LAMA2: variants seen among roughly 807,000 people sequenced by gnomAD.
LAMA2 encodes laminin subunit alpha 2, also known as laminin subunit alpha-2.
Under a neutral mutation model 364.8 loss-of-function variants are expected in LAMA2, and 269 were observed. The ratio of observed to expected loss-of-function variants is 0.74; its 90% CI spans 0.67 to 0.82. The LOEUF (loss-of-function observed/expected upper bound fraction) is 0.82. Among genes scored for constraint, LAMA2 ranks in the 40% least tolerant of loss-of-function variants. The pLI, the probability that LAMA2 is intolerant of heterozygous loss-of-function variation, is 0.00. For missense variants in LAMA2, 3,807 were observed against 3,873.2 expected (o/e 0.98, Z 0.45); for synonymous variants, 1,379 against 1,370.6 (o/e 1.01, Z -0.14).
rs558183911 is a variant in LAMA2, at chr6:129,171,157, G to A, written c.1306+5482G>A. On this transcript the variant is annotated intron_variant, in intron 9 of 64. Transcript: ENST00000421865. ...TGCCAGTCTGTGTCTTTTAATTGGA[G>A]CATTTAGTCCATTTACATTTAAAGT... Among the ~76,000 whole-genome samples, 668 of 152,094 alleles carry A rather than the reference G, an allele frequency of 4.4e-3. 2 individuals are homozygous for A. Among genetic ancestry groups the A allele is most frequent in the Middle Eastern group, 0.017 (5 of 294 alleles).
chr6:129,207,040 T>G (rs1782723419), intron 12 of LAMA2, among the ~76,000 whole-genome samples: 1 of 152,200 alleles, frequency 6.6e-6, no homozygotes, highest in African/African-American at 2.4e-5. Flanking sequence ...AGCAGTTGCC[T>G]TGAATCATGA....
chr6:128,967,361 A>AGG (rs1368833343), intron 1 of LAMA2, among the ~76,000 whole-genome samples: 1 of 152,222 alleles, frequency 6.6e-6, no homozygotes, highest in Non-Finnish European at 1.5e-5. Context: ...GAAAGACACA[A>AGG]GGGAACATTC....
chr6:129,145,820 A>G (rs1778400838), intron 5 of LAMA2, among the ~76,000 whole-genome samples: 1 of 152,130 alleles, frequency 6.6e-6, no homozygotes, highest in East Asian at 1.9e-4. Flanking sequence ...AAAGCATTAT[A>G]CATTTATATT....
intron 1 of LAMA2, chr6:128,929,287 C>A (rs1301186090): frequency 5.4e-6 from 7 of 1,304,752 alleles, no homozygotes; most frequent in South Asian, 1.2e-5. Context: ...TGATGCGGAT[C>A]CCTGCCCACA....
chr6:129,379,511 T>C (rs911985267), intron 34 of LAMA2, among the ~76,000 whole-genome samples: 3 of 152,136 alleles, frequency 2.0e-5, no homozygotes, highest in African/African-American at 7.2e-5. Context: ...TCACGTCTCC[T>C]CCTCTTCTGG....
At chr6:129,053,291 C>T (rs1448653544) in intron 2 of LAMA2, among the ~76,000 whole-genome samples, 9 of 152,132 alleles carry the variant, frequency 5.9e-5, no homozygotes, top group African/African-American at 2.2e-4. Context: ...TCCCGAACTC[C>T]AGACCTCAGT....
intron 9 of LAMA2, among the ~76,000 whole-genome samples, chr6:129,176,511 T>A (rs1179638232): frequency 6.6e-6 from 1 of 152,134 alleles, no homozygotes; most frequent in Non-Finnish European, 1.5e-5. Context: ...ATGAGTAAGT[T>A]AGCATCATTT....
At chr6:128,927,753 G>GT (rs943350812) in intron 1 of LAMA2, among the ~76,000 whole-genome samples, 3 of 151,120 alleles carry the variant, frequency 2.0e-5, no homozygotes, top group Non-Finnish European at 4.4e-5. Context: ...ATTCTATTTC[G>GT]TTTTTTGTCA....
chr6:129,480,971 A>C (rs1784317375), intron 54 of LAMA2, among the ~76,000 whole-genome samples: 1 of 152,112 alleles, frequency 6.6e-6, no homozygotes, highest in African/African-American at 2.4e-5. Flanking sequence ...ACAACAACAA[A>C]AAAAGGTACC....
chr6:129,495,281 T>C (rs182739891), intron 58 of LAMA2, among the ~76,000 whole-genome samples: 55 of 152,304 alleles, frequency 3.6e-4, no homozygotes, highest in Admixed American at 5.2e-4. Flanking sequence ...AATTTGAAAA[T>C]AGCTAAGTCT....
At chr6:129,268,831 A>G (rs1400172998) in intron 16 of LAMA2, among the ~76,000 whole-genome samples, 2 of 152,120 alleles carry the variant, frequency 1.3e-5, no homozygotes, top group Non-Finnish European at 2.9e-5. Flanking sequence ...ATAGGTGATC[A>G]TGTAGGATAT....
In LAMA2 at chr6:129,147,257, GT is replaced by G. The variant is rs376743842; in HGVS notation, c.909+214del. On this transcript the variant is annotated intron_variant, in intron 6 of 64. Transcript: ENST00000421865. ...CATCACAGTATAAGAAAACAGATTAGTTTTTCCTTTTTTTTTTTTTTTTTCA... is the reference window on the plus strand; with the variant it reads ...CATCACAGTATAAGAAAACAGATTAGTTTTCCTTTTTTTTTTTTTTTTTCA... Among the ~76,000 whole-genome samples, 850 of 127,544 alleles carry G rather than the reference GT, an allele frequency of 6.7e-3. 5 individuals carry two copies. The highest frequency in any genetic ancestry group is 0.028 in the African/African-American group (812 of 29,184). 83.7% of individuals were successfully genotyped at this position (127,544 alleles called of 152,430 possible). A position where few individuals can be genotyped will look rare whatever the true frequency, so the allele number is the denominator to read the frequency against.
intron 35 of LAMA2, among the ~76,000 whole-genome samples, chr6:129,384,768 G>T (rs921613294): frequency 1.3e-5 from 2 of 151,946 alleles, no homozygotes; most frequent in Admixed American, 1.3e-4. Context: ...ATCACCAAAG[G>T]TGTCTCTCGT....
chr6:129,173,687 G>T (rs1473208459), intron 9 of LAMA2, among the ~76,000 whole-genome samples: 1 of 152,136 alleles, frequency 6.6e-6, no homozygotes, highest in African/African-American at 2.4e-5. Flanking sequence ...ACACATATTT[G>T]TAGGTCATTT....
At chr6:129,375,084 G>T (rs1778297537) in intron 34 of LAMA2, among the ~76,000 whole-genome samples, 1 of 151,242 alleles carries the variant, frequency 6.6e-6, no homozygotes, top group Non-Finnish European at 1.5e-5. Context: ...AATATCCCTG[G>T]GTAAAGAAGA....
chr6:129,418,137 C>T (rs528635227), intron 40 of LAMA2, among the ~76,000 whole-genome samples: 1 of 152,116 alleles, frequency 6.6e-6, no homozygotes, highest in Non-Finnish European at 1.5e-5. Flanking sequence ...GAGTTTTCAT[C>T]GCCTGCTCCC....
At chr6:129,423,322 A>C (rs1191988542) in intron 40 of LAMA2, among the ~76,000 whole-genome samples, 4 of 152,090 alleles carry the variant, frequency 2.6e-5, no homozygotes, top group Non-Finnish European at 5.9e-5. Flanking sequence ...AACCAGTACA[A>C]GGGGCAAGAA....
At chr6:128,985,940 A>C (rs1783202973) in intron 1 of LAMA2, among the ~76,000 whole-genome samples, 1 of 152,028 alleles carries the variant, frequency 6.6e-6, no homozygotes, top group South Asian at 2.1e-4. Context: ...AAAGCTTTTC[A>C]CCATTGACTC....
At chr6:129,236,900 A>G (rs1049131516) in intron 12 of LAMA2, among the ~76,000 whole-genome samples, 4 of 152,216 alleles carry the variant, frequency 2.6e-5, no homozygotes, top group African/African-American at 9.6e-5. Context: ...TATATGTAAT[A>G]TATCATATGT....
Sources: gnomAD v4.1 joint callset for allele counts (sites outside exome capture counted in the v4.1 genomes callset) on GRCh38, gnomAD v4.1.1 for gene constraint, MANE v1.5 for transcripts, NCBI Gene and HGNC (gene_info 2026-07-23, HGNC 2026-07-21) for gene names.